Variants in L3MBTL4 observed in about 807,000 individuals in gnomAD.
L3MBTL4 encodes the protein lethal(3)malignant brain tumor-like protein 4.
Under a neutral mutation model 84.5 loss-of-function variants are expected in L3MBTL4, and 70 were observed. That is an observed-to-expected ratio of 0.83 (90% CI 0.68 to 1.01). The LOEUF is 1.01. Among genes scored for constraint, L3MBTL4 ranks in the 50% least tolerant of loss-of-function variants. L3MBTL4 has a pLI of 0.00. For missense variants in L3MBTL4, 715 were observed against 754.8 expected (o/e 0.95, Z 0.62); for synonymous variants, 274 against 259.8 (o/e 1.05, Z -0.52).
At chr18:6,264,186 T>G in intron 4 of L3MBTL4, 148 bp from the exon 5 acceptor site, 1 of 626,358 alleles carries the variant, frequency 1.6e-6, no homozygotes, top group Non-Finnish European at 2.8e-6. Flanking sequence ...TCTCTCTCAA[T>G]TCATATGAAC....
At chr18:6,166,924 C>G (rs1169437213) in intron 13 of L3MBTL4, among the ~76,000 whole-genome samples, 3 of 151,890 alleles carry the variant, frequency 2.0e-5, no homozygotes, top group Non-Finnish European at 2.9e-5. Context: ...ATTGATAGAC[C>G]GCTAGCAAGA....
chr18:6,057,836 C>CA (rs1291195127), intron 16 of L3MBTL4, among the ~76,000 whole-genome samples: 1 of 152,192 alleles, frequency 6.6e-6, no homozygotes, highest in Non-Finnish European at 1.5e-5. Context: ...GCAGTGTACT[C>CA]AGAGTGACTC....
At chr18:6,351,763 G>C (rs1446639364) in intron 1 of L3MBTL4, among the ~76,000 whole-genome samples, 3 of 152,026 alleles carry the variant, frequency 2.0e-5, no homozygotes, top group Non-Finnish European at 4.4e-5. Context: ...ATGTTAGCCA[G>C]GATGGTCTCA....
intron 16 of L3MBTL4, among the ~76,000 whole-genome samples, chr18:6,070,286 T>G (rs2057541935): frequency 6.6e-6 from 1 of 152,036 alleles, no homozygotes; most frequent in Non-Finnish European, 1.5e-5. Flanking sequence ...ATCTTATAAG[T>G]AATCAGATAA....
intron 10 of L3MBTL4, among the ~76,000 whole-genome samples, chr18:6,226,390 A>T (rs1174935096): frequency 6.6e-6 from 1 of 152,190 alleles, no homozygotes; most frequent in Non-Finnish European, 1.5e-5. Context: ...TGAGGAACAG[A>T]GTGAGATTCT....
intron 10 of L3MBTL4, among the ~76,000 whole-genome samples, chr18:6,231,206 T>C (rs1176228937): frequency 1.3e-5 from 2 of 152,202 alleles, no homozygotes; most frequent in Non-Finnish European, 2.9e-5. Context: ...TTTTTATACT[T>C]GTAGGTTTTA....
chr18:6,258,347 C>G (rs1305840848), intron 5 of L3MBTL4, among the ~76,000 whole-genome samples: 1 of 152,198 alleles, frequency 6.6e-6, no homozygotes, highest in Non-Finnish European at 1.5e-5. Context: ...GGTTCCTACT[C>G]AGCAGTGCTT....
intron 1 of L3MBTL4, among the ~76,000 whole-genome samples, chr18:6,352,190 T>C (rs953830468): frequency 6.6e-6 from 1 of 152,206 alleles, no homozygotes; most frequent in African/African-American, 2.4e-5. Context: ...TTTTAAAATC[T>C]GGAGCACCTA....
intron 1 of L3MBTL4, among the ~76,000 whole-genome samples, chr18:6,343,742 CAA>C (rs1235868361): frequency 6.8e-6 from 1 of 147,652 alleles, no homozygotes; most frequent in Non-Finnish European, 1.5e-5. Flanking sequence ...AAATCAATAA[CAA>C]GAGGAAAATT....
intron 12 of L3MBTL4, among the ~76,000 whole-genome samples, chr18:6,173,596 A>C (rs533567623): frequency 1.3e-5 from 2 of 152,260 alleles, no homozygotes; most frequent in South Asian, 4.2e-4. Flanking sequence ...CCTGGACAAC[A>C]TGGTGAAACC....
At chr18:6,097,867 C>A (rs985947434) in intron 14 of L3MBTL4, among the ~76,000 whole-genome samples, 1 of 152,184 alleles carries the variant, frequency 6.6e-6, no homozygotes, top group African/African-American at 2.4e-5. Context: ...GACACGACTT[C>A]TGCCTCTTAC....
In L3MBTL4 at chr18:6,080,919, T is replaced by C; in HGVS notation, c.1406A>G (p.Lys469Arg). 6.2e-7 allele frequency: 1 copy of C among 1,608,506 alleles called. No individual in the cohort carries two copies. Among genetic ancestry groups the C allele is most frequent in the Non-Finnish European group, 8.5e-7 (1 of 1,177,442 alleles). Reference protein sequence around the residue: ...LVQQAKCLKIKGKEDIDLDNL... With the variant: ...LVQQAKCLKIRGKEDIDLDNL... ...ATCCAAGTCAATATCTTCTTTTCCT[T>C]TGATTTTCAAACACTTTGCCTGCTG... Residue 469 changes from lysine (K) to arginine (R), a missense_variant, in exon 16 of 19, where the codon AAA (lysine) becomes AGA (arginine). Transcript: ENST00000317931.
At chr18:6,226,338 A>G (rs2046782257) in intron 10 of L3MBTL4, among the ~76,000 whole-genome samples, 1 of 152,142 alleles carries the variant, frequency 6.6e-6, no homozygotes, top group Non-Finnish European at 1.5e-5. Context: ...ACTGGGAGGC[A>G]GAGGTTGCAG....
At chr18:6,124,462 T>C (rs1031855469) in intron 14 of L3MBTL4, among the ~76,000 whole-genome samples, 11 of 148,718 alleles carry the variant, frequency 7.4e-5, no homozygotes, top group African/African-American at 2.4e-4. Context: ...AAAAATTATA[T>C]ATACAATTAT....
chr18:6,264,749 A>G (rs1027497975), intron 4 of L3MBTL4, among the ~76,000 whole-genome samples: 22 of 152,132 alleles, frequency 1.4e-4, no homozygotes, highest in Non-Finnish European at 2.9e-4. Context: ...GCACTACTGC[A>G]CTCCAGCCTG....
chr18:6,412,700 T>A (rs1405522112), intron 1 of L3MBTL4, among the ~76,000 whole-genome samples: 5 of 152,104 alleles, frequency 3.3e-5, no homozygotes, highest in African/African-American at 1.2e-4. Context: ...CCTACGAGTA[T>A]TTGTTGAGCA....
At chr18:6,046,352 G>T (rs2056617781) in intron 16 of L3MBTL4, among the ~76,000 whole-genome samples, 2 of 152,130 alleles carry the variant, frequency 1.3e-5, no homozygotes, top group African/African-American at 4.8e-5. Flanking sequence ...GATCATCAAG[G>T]CAGAAAACTA....
chr18:6,244,047 T>C (rs2146156042), intron 6 of L3MBTL4, among the ~76,000 whole-genome samples: 1 of 152,318 alleles, frequency 6.6e-6, no homozygotes, highest in Admixed American at 6.5e-5. Flanking sequence ...TATTACATTT[T>C]ATAAGCCATT....
chr18:6,132,039 C>T (rs2059894374), intron 14 of L3MBTL4, among the ~76,000 whole-genome samples: 1 of 152,058 alleles, frequency 6.6e-6, no homozygotes, highest in Non-Finnish European at 1.5e-5. Flanking sequence ...CTAGAGCTAA[C>T]CTACATTACT....
Sources: gnomAD v4.1 joint callset for allele counts (sites outside exome capture counted in the v4.1 genomes callset) on GRCh38, gnomAD v4.1.1 for gene constraint, MANE v1.5 for transcripts, NCBI Gene and HGNC (gene_info 2026-07-23, HGNC 2026-07-21) for gene names.